The following ARAF variants were observed in gnomAD, a reference collection of about 807,000 sequenced individuals.
ARAF encodes A-Raf proto-oncogene, serine/threonine kinase.
A neutral mutation model predicts 48.0 loss-of-function variants in ARAF; 18 were observed. The observed-to-expected ratio is 0.37, with a 90% CI of 0.26 to 0.56. The LOEUF (loss-of-function observed/expected upper bound fraction) is 0.56, where lower values mean the gene tolerates loss of function less well. Ranked by LOEUF, ARAF falls within the 20% of genes least tolerant of loss-of-function variation. The probability of loss-of-function intolerance (pLI) is 0.77; values close to 1 mark genes in which losing one functional copy is unlikely to be tolerated. For missense variants in ARAF, 389 were observed against 543.1 expected (o/e 0.72, Z 2.82); for synonymous variants, 207 against 220.1 (o/e 0.94, Z 0.53).
chrX:47,565,944 T>TA (rs1247875903), intron 6 of ARAF: 1 of 154,789 alleles, frequency 6.5e-6, no homozygotes, highest in Non-Finnish European at 1.1e-5. Context: ...GTTTATATGA[T>TA]ACATAAAATA....
At position 47,565,032 on chromosome X, in the gene ARAF, G is replaced by A; in HGVS notation, c.351G>A (p.Lys117=). 2 of 1,211,923 alleles carry A rather than the reference G, an allele frequency of 1.7e-6. No individual in the cohort carries two copies. Among genetic ancestry groups the A allele is most frequent in the Non-Finnish European group, 2.2e-6 (2 of 895,544 alleles). The change falls in exon 5 of 16, where the codon AAG becomes AAA. Residue 117 remains lysine (K), a synonymous_variant. Transcript: ENST00000377045. ...TGGCGTTCTGTGACTTCTGCCTTAA[G>A]TTTCTGTTCCATGGCTTCCGTTGCC... ...FSLAFCDFCL[K]FLFHGFRCQT... is the part of the protein sequence containing the mutation.
rs1366041820 is a variant in ARAF at position 47,563,321 on chromosome X, C to T, written c.192C>T (p.Leu64=). 1 of 1,208,051 alleles carries T rather than the reference C, an allele frequency of 8.3e-7. No homozygotes were observed. The highest frequency in any genetic ancestry group is 1.1e-6 in the Non-Finnish European group (1 of 893,054). The change falls in exon 3 of 16, where the codon CTC becomes CTT. Residue 64 remains leucine, a synonymous_variant. Coordinates refer to ENST00000377045, the MANE Select transcript of ARAF (RefSeq NM_001654.5). The stretch of plus-strand genomic sequence containing the variant: ...AGGACTGCTGTGTGGTCTACCGACT[C>T]ATCAAGGGGTGAGTGTGGCAGCCCC... The part of the protein sequence containing the change: ...LNQDCCVVYR[L]IKGRKTVTAW...
chrX:47,564,083 C>T (rs56014229), intron 3 of ARAF, among the ~76,000 whole-genome samples: 1,312 of 112,416 alleles, frequency 0.012, 19 homozygotes, highest in Non-Finnish European at 0.017. Context: ...TTAATACTTT[C>T]CCACCCGGTT....
chrX:47,567,395 C>A lies in ARAF; in HGVS notation c.1039C>A (p.Gln347Lys). The A allele has an allele frequency of 8.3e-7, 1 of 1,208,205 alleles. No homozygotes were observed. Reference sequence around the variant, plus strand: ...CAAGGTGTCCCAGCCCACAGCTGAGCAGGCCCAGGCTTTCAAGAATGAGAT... The same window carrying A: ...CAAGGTGTCCCAGCCCACAGCTGAGAAGGCCCAGGCTTTCAAGAATGAGAT... The part of the protein sequence containing the change: ...VLKVSQPTAE[Q>K]AQAFKNEMQV... Residue 347 changes from glutamine to lysine, a missense_variant, in exon 10 of 16, where the codon CAG (glutamine) becomes AAG (lysine). This residue lies in a region of ARAF where 170 missense variants were observed against 281.4 expected (regional missense o/e 0.60). Transcript: ENST00000377045.
rs1186694221 is a variant in ARAF, at chrX:47,561,270, G to C, written c.-60+19G>C. 8.9e-6 allele frequency: 1 copy of C among 112,361 alleles called. No homozygotes were observed. Among genetic ancestry groups the C allele is most frequent in the East Asian group, 2.9e-4 (1 of 3,497 alleles). 9.3% of individuals were successfully genotyped at this position (112,361 alleles called of 1,213,427 possible). On this transcript the variant is annotated intron_variant, in intron 1 of 15. Coordinates refer to ENST00000377045, the MANE Select transcript of ARAF (RefSeq NM_001654.5). ...GTGACAGGTGAGGGCGGGCCCGGGA[G>C]GGCTCGGTTTCTGGAGCGGCTGCCG...
rs2057726041 is a variant in ARAF at position 47,564,945 on chromosome X, C to A, written c.304-40C>A. On this transcript the variant is annotated intron_variant, in intron 4 of 15. Coordinates refer to ENST00000377045, the MANE Select transcript of ARAF (RefSeq NM_001654.5). ...GGGGGTGGACCATGGTTGGGGGTGTCCTTGACCAGGTCTCAAACTTCCCTG... is the reference window on the plus strand; with the variant it reads ...GGGGGTGGACCATGGTTGGGGGTGTACTTGACCAGGTCTCAAACTTCCCTG... 3 of 1,209,701 alleles carry A rather than the reference C, an allele frequency of 2.5e-6. No individual in the cohort carries two copies. The African/African-American group carries it at 5.2e-5, about 21-fold the overall frequency.
Position 47,569,669 on chromosome X carries a change from C to T in ARAF, c.1419+12C>T, listed in dbSNP as rs748893688. ...CTGTGCTGTGGATGGTGAGTTGGGCCAGGCTGGATGGGGGGCACATGGGGA... is the reference window on the plus strand; with the variant it reads ...CTGTGCTGTGGATGGTGAGTTGGGCTAGGCTGGATGGGGGGCACATGGGGA... On this transcript the variant is annotated intron_variant, in intron 13 of 15. Transcript: ENST00000377045. 1 of 1,196,760 alleles carries T rather than the reference C, an allele frequency of 8.4e-7. No homozygotes were observed. The highest frequency in any genetic ancestry group is 3.0e-5 in the East Asian group (1 of 33,685).
rs753171944 is a variant in ARAF, at chrX:47,568,766, G to T, written c.1125G>T (p.Arg375=). 8.3e-7 allele frequency: 1 copy of T among 1,211,289 alleles called. No homozygotes were observed. The highest frequency in any genetic ancestry group is 1.1e-6 in the Non-Finnish European group (1 of 895,296). ...NILLFMGFMT[R]PGFAIITQWC... is the part of the protein sequence containing the mutation. The stretch of plus-strand genomic sequence containing the variant: ...TGCTGTTTATGGGCTTCATGACCCG[G>T]CCGGGATTTGCCATCATCACACAGT... The change falls in exon 11 of 16, where the codon CGG becomes CGT. Residue 375 remains arginine, a synonymous_variant. Transcript: ENST00000377045.
chrX:47,571,080 G>A (rs2147909893), intron 15 of ARAF, 68 bp downstream of exon 15: 1 of 1,135,143 alleles, frequency 8.8e-7, no homozygotes, highest in Non-Finnish European at 1.2e-6. Context: ...TGAGATGGAG[G>A]CAGATGTGAA....
At chrX:47,570,353 G>A (rs1385064847) in intron 14 of ARAF, 2 of 195,899 alleles carry the variant, frequency 1.0e-5, no homozygotes, top group Admixed American at 1.3e-4. Flanking sequence ...GCCTATAGTC[G>A]TCTGCTCTGG....
intron 14 of ARAF, 69 bp from the exon 15 acceptor site, chrX:47,570,809 T>A: frequency 9.0e-7 from 1 of 1,106,951 alleles, no homozygotes; most frequent in East Asian, 3.0e-5. Flanking sequence ...AGTCCCTCAA[T>A]ACAAAATTCC....
chrX:47,562,510 A>C (rs1445280837), intron 1 of ARAF, among the ~76,000 whole-genome samples: 3 of 108,065 alleles, frequency 2.8e-5, no homozygotes, highest in Non-Finnish European at 3.8e-5. Context: ...AGAAAAAAAA[A>C]AAAAAAAAAC....
rs754040192 is a variant in ARAF at position 47,570,958 on chromosome X, C to T, written c.1632C>T (p.Arg544=). ...GCAACTGCCCCAAGGCCATGCGGCG[C>T]CTGCTGTCTGACTGCCTCAAGTTCC... ...ISSNCPKAMR[R]LLSDCLKFQR... Residue 544 remains arginine (R), a synonymous_variant, in exon 15 of 16, where the codon CGC becomes CGT. Coordinates refer to ENST00000377045, the MANE Select transcript of ARAF (RefSeq NM_001654.5). 9 of 1,210,930 alleles carry T rather than the reference C, an allele frequency of 7.4e-6. No homozygotes were observed. In the African/African-American group the frequency reaches 8.7e-5, roughly 12 times the overall value.
At position 47,571,286 on chromosome X, in the gene ARAF, G is replaced by A. The variant is rs768240348; in HGVS notation, c.1687-37G>A. ...CTGGGGCTGTTGGGATGCCCACAGG[G>A]CTCTGGACACCCCTCCTCACCCCCA... On this transcript the variant is annotated intron_variant, in intron 15 of 15. Transcript: ENST00000377045. 9 of 1,190,986 alleles carry A rather than the reference G, an allele frequency of 7.6e-6. No homozygotes were observed. The Admixed American group carries it at 2.0e-4, about 27-fold the overall frequency.
At position 47,562,501 on chromosome X, in the gene ARAF, GA is replaced by G. The variant is rs751373820; in HGVS notation, c.-59-390del. 6.1e-3 allele frequency among the ~76,000 whole-genome samples: 409 copies of G among 67,323 alleles called. 1 individual carries two copies. The highest frequency in any genetic ancestry group is 0.014 in the African/African-American group (281 of 19,533). The allele number at this position is 67,323 out of a possible 115,157, so 58.5% of individuals were successfully genotyped here. A position where few individuals can be genotyped will look rare whatever the true frequency, so the allele number is the denominator to read the frequency against. On this transcript the variant is annotated intron_variant, in intron 1 of 15. Coordinates refer to ENST00000377045, the MANE Select transcript of ARAF (RefSeq NM_001654.5). ...ACTCTGTCAGAAAAAAAAAAAAACA[GA>G]AAAAAAAAAAAAAAAAACCCAGGAC...
rs2147902510 is a variant in ARAF, at chrX:47,563,023, G to A, written c.56G>A (p.Gly19Asp). Residue 19 changes from glycine (G) to aspartate (D), a missense_variant, in exon 2 of 16, where the codon GGC becomes GAC. Gly to Asp is a moderately conservative substitution (Grantham distance 94). Coordinates refer to ENST00000377045, the MANE Select transcript of ARAF (RefSeq NM_001654.5). ...GGGGCCGAGCCATCCCGGGCAGTGG[G>A]CACCGTCAAAGTATACCTGCCCAAC... ...ANGAEPSRAVGTVKVYLPNKQ... is the reference protein window; with the variant it reads ...ANGAEPSRAVDTVKVYLPNKQ... 8.3e-7 allele frequency: 1 copy of A among 1,199,655 alleles called. No individual in the cohort carries two copies. The highest frequency in any genetic ancestry group is 1.1e-6 in the Non-Finnish European group (1 of 889,397).
At position 47,569,534 on chromosome X, in the gene ARAF, G is replaced by A. The variant is rs2057746553; in HGVS notation, c.1301-5G>A. ...AGTCCCTGTAGTGGTCCTTGACCCT[G>A]GCGGACATCTTCCTACATGAGGGGC... On this transcript the variant is annotated splice_polypyrimidine_tract_variant and splice_region_variant and intron_variant, in intron 12 of 15. Transcript: ENST00000377045. 2 of 1,202,122 alleles carry A rather than the reference G, an allele frequency of 1.7e-6. No individual in the cohort carries two copies. Among genetic ancestry groups the A allele is most frequent in the Non-Finnish European group, 2.3e-6 (2 of 888,228 alleles).
Position 47,569,925 on chromosome X carries a change from C to T in ARAF, c.1452C>T (p.Asn484=). The change falls in exon 14 of 16, where the codon AAC becomes AAT. Residue 484 remains asparagine, a synonymous_variant. Transcript: ENST00000377045. ...AGGTGATCCGTATGCAGGACCCGAA[C>T]CCCTACAGCTTCCAGTCAGACGTCT... is the stretch of plus-strand genomic sequence containing the variant. ...AAEVIRMQDP[N]PYSFQSDVYA... 1 of 1,207,121 alleles carries T rather than the reference C, an allele frequency of 8.3e-7. No homozygotes were observed. The highest frequency in any genetic ancestry group is 1.1e-6 in the Non-Finnish European group (1 of 893,480).
Position 47,570,038 on chromosome X carries a change from C to G in ARAF, c.1551+14C>G, listed in dbSNP as rs1292529696. On this transcript the variant is annotated intron_variant, in intron 14 of 15. Transcript: ENST00000377045. Reference sequence around the variant, plus strand: ...TGCCGTGACCAGGTGAGCCCCACACCTTACCCACAGTTCCCTGGGCTGAGG... The same window carrying G: ...TGCCGTGACCAGGTGAGCCCCACACGTTACCCACAGTTCCCTGGGCTGAGG... The G allele has an allele frequency of 8.3e-7, 1 of 1,200,951 alleles. No homozygotes were observed. The highest frequency in any genetic ancestry group is 1.8e-5 in the African/African-American group (1 of 56,674).
Sources: gnomAD v4.1 joint callset for allele counts (sites outside exome capture counted in the v4.1 genomes callset) on GRCh38, gnomAD v4.1.1 for gene constraint, gnomAD v4.1.1 regional missense constraint, MANE v1.5 for transcripts, NCBI Gene and HGNC (gene_info 2026-07-23, HGNC 2026-07-21) for gene names.